MITF: variants seen among roughly 807,000 people sequenced by gnomAD.
MITF encodes microphthalmia-associated transcription factor.
A neutral mutation model predicts 60.5 loss-of-function variants in MITF; 17 were observed. That is an observed-to-expected ratio of 0.28 (90% confidence interval 0.19 to 0.42). The LOEUF is 0.42. Ranked by LOEUF, MITF falls within the 10% of genes least tolerant of loss-of-function variation. MITF has a pLI of 1.00. For synonymous variants in MITF, 260 were observed against 248.5 expected (o/e 1.05, Z -0.43); for missense variants, 622 against 683.5 (o/e 0.91, Z 1.00).
At chr3:69,806,143 G>T (rs1398852865) in intron 1 of MITF, among the ~76,000 whole-genome samples, 1 of 151,376 alleles carries the variant, frequency 6.6e-6, no homozygotes, top group Non-Finnish European at 1.5e-5. Context: ...GGAGTGCAAT[G>T]GCATGATCTC....
chr3:69,752,968 C>T (rs1245526352), intron 1 of MITF, among the ~76,000 whole-genome samples: 1 of 152,144 alleles, frequency 6.6e-6, no homozygotes, highest in Non-Finnish European at 1.5e-5. Context: ...CAGAAATTTG[C>T]TTAAGTAAAA....
At chr3:69,809,626 ATTT>A (rs200221440) in intron 1 of MITF, among the ~76,000 whole-genome samples, 6 of 139,512 alleles carry the variant, frequency 4.3e-5, no homozygotes, top group Admixed American at 7.2e-5. Context: ...AACTAAGTAC[ATTT>A]TTTTTTTTTT....
At position 69,879,037 on chromosome 3, in the gene MITF, C is replaced by T. The variant is rs551512291; in HGVS notation, c.105-97C>T. The T allele has an allele frequency of 3.2e-6, 3 of 935,542 alleles. No homozygotes were observed. In the African/African-American group the frequency reaches 4.8e-5, roughly 15 times the overall value. The allele number at this position is 935,542 out of a possible 1,614,324, so 58.0% of individuals were successfully genotyped here. A position where few individuals can be genotyped will look rare whatever the true frequency, so the allele number is the denominator to read the frequency against. On this transcript the variant is annotated intron_variant, in intron 1 of 9. Coordinates refer to ENST00000352241, the MANE Select transcript of MITF (RefSeq NM_001354604.2). The stretch of plus-strand genomic sequence containing the variant: ...TGACTTGATTATATTTGCGCAGACT[C>T]ATTTTATAGTTTGGTGCAATTTAGG...
intron 2 of MITF, among the ~76,000 whole-genome samples, chr3:69,889,654 C>T (rs1046367058): frequency 6.6e-6 from 1 of 151,900 alleles, no homozygotes; most frequent in Non-Finnish European, 1.5e-5. Context: ...ATATTTTATA[C>T]CTCCAGCACA....
At chr3:69,816,434 C>T (rs966602823) in intron 1 of MITF, among the ~76,000 whole-genome samples, 44 of 152,116 alleles carry the variant, frequency 2.9e-4, no homozygotes, top group Admixed American at 3.9e-4. Context: ...GAACCACAGT[C>T]GTGAACTGTT....
At chr3:69,883,111 A>G (rs1226899788) in intron 2 of MITF, among the ~76,000 whole-genome samples, 3 of 152,162 alleles carry the variant, frequency 2.0e-5, no homozygotes, top group African/African-American at 7.2e-5. Context: ...GAAAGGTTGC[A>G]TGAATTTTAA....
chr3:69,920,328 G>T (rs1043914022), intron 2 of MITF, among the ~76,000 whole-genome samples: 5 of 152,092 alleles, frequency 3.3e-5, no homozygotes, highest in Non-Finnish European at 5.9e-5. Flanking sequence ...TTCCCCGGGG[G>T]AGTTTAGAGA....
intron 2 of MITF, among the ~76,000 whole-genome samples, chr3:69,907,121 C>T (rs1200640053): frequency 1.3e-5 from 2 of 152,148 alleles, no homozygotes; most frequent in African/African-American, 4.8e-5. Context: ...TCCCCTTTCC[C>T]TCCATAATCT....
chr3:69,794,543 G>A (rs1333200373), intron 1 of MITF, among the ~76,000 whole-genome samples: 1 of 152,130 alleles, frequency 6.6e-6, no homozygotes, highest in East Asian at 1.9e-4. Context: ...CAATTCTCAT[G>A]TCCTTGGTTG....
At chr3:69,857,076 T>C (rs936491119) in intron 1 of MITF, among the ~76,000 whole-genome samples, 5 of 152,078 alleles carry the variant, frequency 3.3e-5, no homozygotes, top group Admixed American at 3.3e-4. Flanking sequence ...TGTCTGGAAT[T>C]GTATGTGGTG....
chr3:69,805,154 C>T (rs566775105), intron 1 of MITF, among the ~76,000 whole-genome samples: 1 of 152,228 alleles, frequency 6.6e-6, no homozygotes, highest in Admixed American at 6.5e-5. Context: ...CCTTTGTCTT[C>T]TTAGCTAACC....
chr3:69,845,438 CTT>C (rs202135701), intron 1 of MITF, among the ~76,000 whole-genome samples: 2 of 133,676 alleles, frequency 1.5e-5, no homozygotes, highest in East Asian at 4.2e-4. Context: ...TTTCTTTTTT[CTT>C]TCTTTTTTTT....
chr3:69,798,750 T>C (rs1471651992), intron 1 of MITF, among the ~76,000 whole-genome samples: 2 of 152,244 alleles, frequency 1.3e-5, no homozygotes, highest in Non-Finnish European at 2.9e-5. Flanking sequence ...ACTTCATTTA[T>C]TCCTGAAAAT....
intron 1 of MITF, among the ~76,000 whole-genome samples, chr3:69,823,088 A>G (rs1318927933): frequency 1.3e-5 from 2 of 152,136 alleles, no homozygotes; most frequent in Non-Finnish European, 2.9e-5. Flanking sequence ...CATGTTGGCC[A>G]GGCTGGTCTC....
chr3:69,813,548 A>G (rs1451765365), intron 1 of MITF, among the ~76,000 whole-genome samples: 1 of 152,166 alleles, frequency 6.6e-6, no homozygotes, highest in Admixed American at 6.5e-5. Flanking sequence ...AAGGAAGATC[A>G]CTGCTACTTG....
chr3:69,797,438 C>A (rs751476633), intron 1 of MITF, among the ~76,000 whole-genome samples: 69 of 151,956 alleles, frequency 4.5e-4, no homozygotes, highest in Non-Finnish European at 7.7e-4. Flanking sequence ...GAAATGGATT[C>A]TTTTGGCCAG....
intron 1 of MITF, among the ~76,000 whole-genome samples, chr3:69,760,950 G>T (rs909727651): frequency 2.6e-5 from 4 of 152,134 alleles, no homozygotes; most frequent in African/African-American, 9.7e-5. Context: ...GAAAGAAGGA[G>T]AAAAAGAATT....
At chr3:69,813,279 G>A (rs200386992) in intron 1 of MITF, among the ~76,000 whole-genome samples, 1 of 152,294 alleles carries the variant, frequency 6.6e-6, no homozygotes, top group African/African-American at 2.4e-5. Context: ...TCTGTCAGTA[G>A]GTTGAATGTG....
intron 2 of MITF, among the ~76,000 whole-genome samples, chr3:69,916,868 C>T (rs980336913): frequency 6.6e-6 from 1 of 152,156 alleles, no homozygotes; most frequent in African/African-American, 2.4e-5. Context: ...GTGATATTAT[C>T]ATAAAATAAA....
Sources: allele counts gnomAD v4.1 joint callset (sites outside exome capture counted in the v4.1 genomes callset), GRCh38; gene constraint gnomAD v4.1.1; transcripts MANE v1.5; gene names NCBI Gene and HGNC (gene_info 2026-07-23, HGNC 2026-07-21).